The following SPINK5 variants were observed in gnomAD, a reference collection of about 807,000 sequenced individuals.
SPINK5 encodes the protein serine peptidase inhibitor Kazal type 5.
SPINK5 carries 125 observed loss-of-function variants against 151.8 expected under a neutral mutation model. The ratio of observed to expected loss-of-function variants is 0.82; its 90% CI spans 0.71 to 0.96. The LOEUF (loss-of-function observed/expected upper bound fraction) is 0.96. SPINK5 is among the 40% of genes least tolerant of loss of function. SPINK5 has a pLI of 0.00. For synonymous variants in SPINK5, 374 were observed against 395.3 expected, an observed-to-expected ratio of 0.95 and a Z score of 0.64; for missense variants, 1,194 against 1,291.9, an observed-to-expected ratio of 0.92 and a Z score of 1.16.
intron 1 of SPINK5, among the ~76,000 whole-genome samples, 159 bp downstream of exon 1, chr5:148,064,258 G>A (rs148136652): frequency 6.2e-4 from 94 of 152,240 alleles, no homozygotes; most frequent in African/African-American, 2.2e-3. Context: ...TATATATGTG[G>A]CTTTATAATT....
chr5:148,075,069 T>A (rs1752843573), intron 4 of SPINK5, among the ~76,000 whole-genome samples: 1 of 151,550 alleles, frequency 6.6e-6, no homozygotes, highest in Non-Finnish European at 1.5e-5. Context: ...TTAGCACATC[T>A]TTCTTTCTTT....
At position 148,088,564 on chromosome 5, in the gene SPINK5, G is replaced by A. The variant is rs758755812; in HGVS notation, c.433G>A (p.Val145Ile). 1.2e-6 allele frequency: 2 copies of A among 1,611,792 alleles called. No individual in the cohort carries two copies. The highest frequency in any genetic ancestry group is 1.7e-5 in the Admixed American group (1 of 59,786). The change falls in exon 6 of 33, where the codon GTA becomes ATA. Residue 145 changes from valine to isoleucine, a missense_variant. By Grantham distance (29) the Val-to-Ile change is conservative. Transcript: ENST00000256084. ...ENAKTGSQIG[V>I]KSEGECKSSN... Reference sequence around the variant, plus strand: ...TAGGAAAACCGGGTCCCAAATTGGTGTAAAAAGTGAAGGGGAATGTAAGAG... The same window carrying A: ...TAGGAAAACCGGGTCCCAAATTGGTATAAAAAGTGAAGGGGAATGTAAGAG...
At chr5:148,091,651 T>A (rs1017116955) in intron 8 of SPINK5, among the ~76,000 whole-genome samples, 4 of 151,758 alleles carry the variant, frequency 2.6e-5, no homozygotes, top group Non-Finnish European at 5.9e-5. Context: ...TTTTAAACAC[T>A]ATATCCACTA....
chr5:148,094,507 A>T, intron 9 of SPINK5, 26 bp downstream of exon 9: 1 of 1,611,614 alleles, frequency 6.2e-7, no homozygotes, highest in Non-Finnish European at 8.5e-7. Context: ...GTTTTTTCAG[A>T]GTGATTCAAA....
At chr5:148,135,484 G>A (rs1754675081) in intron 32 of SPINK5, among the ~76,000 whole-genome samples, 1 of 152,214 alleles carries the variant, frequency 6.6e-6, no homozygotes, top group South Asian at 2.1e-4. Context: ...ACAGGGTGTT[G>A]TAAAAGAGTG....
chr5:148,119,413 T>C (rs996698390), intron 24 of SPINK5, among the ~76,000 whole-genome samples: 1 of 152,252 alleles, frequency 6.6e-6, no homozygotes, highest in Non-Finnish European at 1.5e-5. Context: ...TTGCTGCTAG[T>C]GTAAGTTACT....
chr5:148,116,598 G>A (rs1415584105), intron 22 of SPINK5, 132 bp downstream of exon 22: 34 of 887,628 alleles, frequency 3.8e-5, no homozygotes, highest in Non-Finnish European at 5.9e-5. Context: ...TCTCCTTAAG[G>A]TTGCAGGGTA....
At chr5:148,107,697 A>G (rs1232743884) in intron 17 of SPINK5, among the ~76,000 whole-genome samples, 1 of 152,176 alleles carries the variant, frequency 6.6e-6, no homozygotes, top group Middle Eastern at 3.2e-3. Flanking sequence ...AACCTTTAGG[A>G]AACAGGCTCA....
intron 4 of SPINK5, 40 bp downstream of exon 4, chr5:148,072,260 A>G (rs1488844042): frequency 1.9e-6 from 3 of 1,586,232 alleles, no homozygotes; most frequent in Admixed American, 1.7e-5. Flanking sequence ...TTTTGAGAGG[A>G]TGTTTGACTC....
intron 30 of SPINK5, among the ~76,000 whole-genome samples, chr5:148,130,891 C>T (rs1754554317): frequency 6.6e-6 from 1 of 152,098 alleles, no homozygotes; most frequent in African/African-American, 2.4e-5. Flanking sequence ...TCTTTCCTTT[C>T]TAGGCTGTAT....
Position 148,065,537 on chromosome 5 carries a change from C to CT in SPINK5, c.81+165_81+166insT, listed in dbSNP as rs1561669867. ...AGATTTTTATGAATCAGGACATGAG[C>CT]CTCTCTCTCACACACACACACACAC... On this transcript the variant is annotated intron_variant, in intron 2 of 32. Transcript: ENST00000256084. 44 of 641,000 alleles carry CT rather than the reference C, an allele frequency of 6.9e-5. No homozygotes were observed. The African/African-American group carries it at 7.8e-4, about 11-fold the overall frequency. The allele number at this position is 641,000 out of a possible 1,614,324, so 39.7% of individuals were successfully genotyped here. A position where few individuals can be genotyped will look rare whatever the true frequency, so the allele number is the denominator to read the frequency against.
intron 4 of SPINK5, among the ~76,000 whole-genome samples, chr5:148,073,561 T>C (rs1202109692): frequency 6.6e-6 from 1 of 151,834 alleles, no homozygotes; most frequent in African/African-American, 2.4e-5. Context: ...CATTCTCCTC[T>C]TCCTCCTCTG....
chr5:148,110,858 G>T (rs560083110), intron 18 of SPINK5, among the ~76,000 whole-genome samples: 1 of 151,752 alleles, frequency 6.6e-6, no homozygotes, highest in Admixed American at 6.6e-5. Context: ...ATGCATGAGG[G>T]GGCTAAAAAC....
intron 32 of SPINK5, 134 bp downstream of exon 32, chr5:148,134,021 G>T: frequency 1.2e-6 from 1 of 830,120 alleles, no homozygotes; most frequent in Non-Finnish European, 2.0e-6. Context: ...CCCAGAATTG[G>T]TCACATTTTC....
chr5:148,090,812 A>T (rs1212731270), intron 7 of SPINK5: 3 of 238,510 alleles, frequency 1.3e-5, no homozygotes, highest in African/African-American at 4.5e-5. Context: ...GTTAAAGGGA[A>T]TTTTCCTGAC....
At chr5:148,083,734 A>G (rs1308979104) in intron 4 of SPINK5, among the ~76,000 whole-genome samples, 1 of 151,484 alleles carries the variant, frequency 6.6e-6, no homozygotes, top group East Asian at 1.9e-4. Flanking sequence ...TTTGTTAATT[A>G]TAGAAATTGT....
At chr5:148,136,361 G>A (rs1754694302) in intron 32 of SPINK5, among the ~76,000 whole-genome samples, 1 of 152,106 alleles carries the variant, frequency 6.6e-6, no homozygotes, top group South Asian at 2.1e-4. Context: ...AGTTGATATA[G>A]GCAATGAAGT....
rs758802914 is a variant in SPINK5 at position 148,111,864 on chromosome 5, G to C, written c.1789G>C (p.Gly597Arg). 2 of 1,613,832 alleles carry C rather than the reference G, an allele frequency of 1.2e-6. No homozygotes were observed. Among genetic ancestry groups the C allele is most frequent in the Admixed American group, 3.3e-5 (2 of 59,964 alleles). Residue 597 changes from glycine (G) to arginine (R), a missense_variant, in exon 19 of 33, where the codon GGC becomes CGC. Physicochemically the swap from Gly to Arg is moderately radical, Grantham distance 125. Transcript: ENST00000256084. ...TGAGGGTCTAGATGGGAAAATCCAC[G>C]GCAACACCTGCTCCATGTGTGAAGC... ...PIEGLDGKIH[G>R]NTCSMCEAFF...
chr5:148,088,553 C>T lies in SPINK5; in HGVS notation c.422C>T (p.Ser141Phe). Reference protein sequence around the residue: ...ALCAENAKTGSQIGVKSEGEC... With the variant: ...ALCAENAKTGFQIGVKSEGEC... ...ACTTTTGATTCTAGGAAAACCGGGT[C>T]CCAAATTGGTGTAAAAAGTGAAGGG... The change falls in exon 6 of 33, where the codon TCC becomes TTC. Residue 141 changes from serine (S) to phenylalanine (F), a missense_variant. By Grantham distance (155) the Ser-to-Phe change is radical (BLOSUM62 -2). Coordinates refer to ENST00000256084, the MANE Select transcript of SPINK5 (RefSeq NM_006846.4). The T allele has an allele frequency of 6.2e-7, 1 of 1,611,520 alleles. No homozygotes were observed. The highest frequency in any genetic ancestry group is 8.5e-7 in the Non-Finnish European group (1 of 1,178,496).
Sources: allele counts gnomAD v4.1 joint callset (sites outside exome capture counted in the v4.1 genomes callset), GRCh38; gene constraint gnomAD v4.1.1; transcripts MANE v1.5; gene names NCBI Gene and HGNC (gene_info 2026-07-23, HGNC 2026-07-21).